CYB5R4: variants seen among roughly 807,000 people sequenced by gnomAD.
The protein encoded by CYB5R4 is cytochrome b5 reductase 4.
Under a neutral mutation model 70.2 loss-of-function variants are expected in CYB5R4, and 55 were observed. The observed-to-expected ratio is 0.78, with a 90% CI of 0.63 to 0.98. CYB5R4 has a LOEUF of 0.98. Among genes scored for constraint, CYB5R4 ranks in the 50% least tolerant of loss-of-function variants. The probability of loss-of-function intolerance (pLI) is 0.00; values close to 1 mark genes in which losing one functional copy is unlikely to be tolerated. For missense variants in CYB5R4, 562 were observed against 612.6 expected, an observed-to-expected ratio of 0.92 and a Z score of 0.87; for synonymous variants, 197 against 199.5, an observed-to-expected ratio of 0.99 and a Z score of 0.11.
intron 2 of CYB5R4, among the ~76,000 whole-genome samples, chr6:83,877,119 C>T (rs955773696): frequency 1.1e-4 from 16 of 152,184 alleles, no homozygotes; most frequent in African/African-American, 3.6e-4. Context: ...CATGAGCAAC[C>T]GCACCCAGCC....
chr6:83,952,375 A>G (rs2099471685), intron 14 of CYB5R4, among the ~76,000 whole-genome samples: 1 of 152,110 alleles, frequency 6.6e-6, no homozygotes, highest in South Asian at 2.1e-4. Flanking sequence ...AAAACATACC[A>G]TAGATATCTA....
chr6:83,932,309 A>T (rs1018454614), intron 10 of CYB5R4, among the ~76,000 whole-genome samples: 1 of 152,174 alleles, frequency 6.6e-6, no homozygotes, highest in Non-Finnish European at 1.5e-5. Flanking sequence ...CAACTCTCTA[A>T]CAAGGAAAGT....
intron 3 of CYB5R4, among the ~76,000 whole-genome samples, chr6:83,904,450 C>T (rs1039239718): frequency 2.6e-5 from 4 of 152,060 alleles, no homozygotes; most frequent in Admixed American, 2.0e-4. Context: ...TGTAGCCTAA[C>T]ATATGTCTGT....
intron 2 of CYB5R4, among the ~76,000 whole-genome samples, chr6:83,883,863 G>C (rs777617047): frequency 6.6e-6 from 1 of 152,040 alleles, no homozygotes. Flanking sequence ...CTTATATTAC[G>C]TGGGAAGGCA....
intron 14 of CYB5R4, among the ~76,000 whole-genome samples, chr6:83,951,643 C>T (rs927900053): frequency 4.6e-5 from 7 of 152,154 alleles, no homozygotes; most frequent in African/African-American, 1.7e-4. Context: ...CATAGTATTC[C>T]CTGGTGTAAT....
intron 3 of CYB5R4, 58 bp from the exon 4 acceptor site, chr6:83,908,951 T>G: frequency 1.5e-5 from 21 of 1,436,398 alleles, no homozygotes; most frequent in Non-Finnish European, 2.1e-5. Context: ...CGTACTAAAA[T>G]GAGAGCATCC....
chr6:83,890,397 C>T (rs1014794547), intron 2 of CYB5R4, among the ~76,000 whole-genome samples: 1 of 151,964 alleles, frequency 6.6e-6, no homozygotes, highest in African/African-American at 2.4e-5. Flanking sequence ...GAAGTGGAAC[C>T]CAAAGATGTG....
At chr6:83,942,550 A>G (rs549377968) in intron 14 of CYB5R4, among the ~76,000 whole-genome samples, 64 of 152,192 alleles carry the variant, frequency 4.2e-4, no homozygotes, top group Admixed American at 5.9e-4. Context: ...TTGGGCAGAC[A>G]CCAAGCTAGC....
intron 2 of CYB5R4, among the ~76,000 whole-genome samples, chr6:83,892,148 AC>A (rs1166293534): frequency 6.6e-6 from 1 of 152,172 alleles, no homozygotes; most frequent in African/African-American, 2.4e-5. Flanking sequence ...AAAAGAGGGA[AC>A]TTAACTAGTT....
At chr6:83,897,690 T>C (rs1329318375) in intron 3 of CYB5R4, among the ~76,000 whole-genome samples, 3 of 152,230 alleles carry the variant, frequency 2.0e-5, no homozygotes, top group African/African-American at 7.2e-5. Flanking sequence ...TGCATAAATA[T>C]CTTCTTTTGA....
chr6:83,890,969 G>A (rs2099461030), intron 2 of CYB5R4, among the ~76,000 whole-genome samples: 1 of 144,426 alleles, frequency 6.9e-6, no homozygotes, highest in African/African-American at 2.8e-5. Flanking sequence ...TTAGAGACAG[G>A]GCCTCACTGT....
intron 12 of CYB5R4, among the ~76,000 whole-genome samples, chr6:83,937,065 G>A (rs182476433): frequency 6.6e-5 from 10 of 152,208 alleles, no homozygotes; most frequent in African/African-American, 2.4e-4. Context: ...TCTTGAGGTC[G>A]GAAGTTCGAG....
intron 14 of CYB5R4, among the ~76,000 whole-genome samples, chr6:83,954,925 T>TC (rs981778494): frequency 5.3e-5 from 8 of 150,690 alleles, no homozygotes; most frequent in African/African-American, 1.7e-4. Flanking sequence ...GTTTTTTTTT[T>TC]TGTAGAAACT....
chr6:83,917,669 G>C (rs930153279), intron 5 of CYB5R4, among the ~76,000 whole-genome samples: 3 of 152,048 alleles, frequency 2.0e-5, no homozygotes, highest in African/African-American at 7.2e-5. Flanking sequence ...TGGACAAAAA[G>C]CCAGACTAAA....
intron 15 of CYB5R4, among the ~76,000 whole-genome samples, chr6:83,958,803 C>G (rs2099472856): frequency 6.6e-6 from 1 of 152,062 alleles, no homozygotes; most frequent in South Asian, 2.1e-4. Context: ...AGTTCTTAAC[C>G]CTTCTAAGCT....
At chr6:83,922,361 C>A in intron 8 of CYB5R4, 77 bp from the exon 9 acceptor site, 2 of 1,127,792 alleles carry the variant, frequency 1.8e-6, no homozygotes, top group African/African-American at 1.6e-5. Context: ...ATAAAAGAGC[C>A]ATTTAAATGA....
intron 2 of CYB5R4, among the ~76,000 whole-genome samples, chr6:83,887,201 AG>A (rs1434433761): frequency 2.6e-5 from 4 of 152,138 alleles, no homozygotes; most frequent in Non-Finnish European, 4.4e-5. Flanking sequence ...GTGAGCTACT[AG>A]GCACTGGATC....
intron 3 of CYB5R4, among the ~76,000 whole-genome samples, chr6:83,898,924 A>C (rs368666389): frequency 1.4e-4 from 21 of 152,144 alleles, no homozygotes; most frequent in Admixed American, 2.0e-4. Flanking sequence ...GGACAATTTG[A>C]CTTCCTCTTT....
At chr6:83,880,774 G>C (rs559420760) in intron 2 of CYB5R4, among the ~76,000 whole-genome samples, 1 of 152,208 alleles carries the variant, frequency 6.6e-6, no homozygotes, top group South Asian at 2.1e-4. Flanking sequence ...ATCTTCTGAA[G>C]TGCTTAGAGA....
Sources: allele counts gnomAD v4.1 joint callset (sites outside exome capture counted in the v4.1 genomes callset), GRCh38; gene constraint gnomAD v4.1.1; transcripts MANE v1.5; gene names NCBI Gene and HGNC (gene_info 2026-07-23, HGNC 2026-07-21).